Variants in SENP7 observed in about 807,000 individuals in gnomAD.
SENP7 encodes the protein sentrin-specific protease 7.
Under a neutral mutation model 141.2 loss-of-function variants are expected in SENP7, and 64 were observed. The observed-to-expected ratio is 0.45, with a 90% CI of 0.37 to 0.56. The LOEUF is 0.56. SENP7 is among the 20% of genes least tolerant of loss of function. The probability of loss-of-function intolerance (pLI) is 0.00; values close to 1 mark genes in which losing one functional copy is unlikely to be tolerated. For synonymous variants in SENP7, 382 were observed against 426.4 expected (o/e 0.90, Z 1.28); for missense variants, 1,025 against 1,212.2 (o/e 0.85, Z 2.29).
chr3:101,454,813 T>G (rs988698050), intron 4 of SENP7, among the ~76,000 whole-genome samples: 1 of 152,140 alleles, frequency 6.6e-6, no homozygotes, highest in Admixed American at 6.6e-5. Flanking sequence ...AGACAGAAAG[T>G]AGGTTAGTGG....
At chr3:101,327,982 C>T (rs182946375) in intron 22 of SENP7, among the ~76,000 whole-genome samples, 166 bp from the exon 23 acceptor site, 12 of 152,278 alleles carry the variant, frequency 7.9e-5, no homozygotes, top group African/African-American at 2.4e-4. Flanking sequence ...CTCACAAGTA[C>T]TACTTTAAAG....
At chr3:101,358,408 A>G in intron 11 of SENP7, 1 of 445,748 alleles carries the variant, frequency 2.2e-6, no homozygotes, top group Non-Finnish European at 4.4e-6. Context: ...GATAATTTAT[A>G]CTGGAGAGAA....
At position 101,479,654 on chromosome 3, in the gene SENP7, G is replaced by A. The variant is rs79883124; in HGVS notation, c.186+14219C>T. 5.5e-3 allele frequency among the ~76,000 whole-genome samples: 830 copies of A among 150,096 alleles called. 15 individuals are homozygous for A. Among genetic ancestry groups the A allele is most frequent in the African/African-American group, 0.019 (765 of 40,856 alleles). ...GATCTCATATGCAGATATGATGAAC[G>A]ACACAAAATCAACATCAAAAATGTA... On this transcript the variant is annotated intron_variant, in intron 3 of 23. Coordinates refer to ENST00000394095, the MANE Select transcript of SENP7 (RefSeq NM_020654.5).
rs763742849 is a variant in SENP7 at position 101,347,981 on chromosome 3, C to A, written c.1728G>T (p.Lys576Asn). 2 of 1,611,550 alleles carry A rather than the reference C, an allele frequency of 1.2e-6. No homozygotes were observed. ...GACTCCTTTTACTGTGATTATCATC[C>A]TTACTTTTCCATAACCCAAACCGCT... ...HLKRFGLWKS[K>N]DDNHSKRSHA... is the part of the protein sequence containing the mutation. Residue 576 changes from lysine to asparagine, a missense_variant, in exon 13 of 24, where the codon AAG becomes AAT. Around this residue, in one of 4 missense-constraint regions of SENP7, gnomAD observed 228 missense variants for 228.5 expected, o/e 1.00. Transcript: ENST00000394095.
At chr3:101,426,483 A>AC (rs759212908) in intron 4 of SENP7, among the ~76,000 whole-genome samples, 3 of 143,100 alleles carry the variant, frequency 2.1e-5, no homozygotes, top group Admixed American at 2.1e-4. Context: ...GAGAAATAAG[A>AC]TTTTTTTTTT....
chr3:101,331,588 C>T (rs992265703), intron 19 of SENP7, among the ~76,000 whole-genome samples: 9 of 126,876 alleles, frequency 7.1e-5, no homozygotes, highest in African/African-American at 2.7e-4. Context: ...ATGGAATAAA[C>T]ATAAAATTTA....
chr3:101,504,494 T>TAA (rs1348068347), intron 1 of SENP7, among the ~76,000 whole-genome samples: 1 of 151,982 alleles, frequency 6.6e-6, no homozygotes, highest in African/African-American at 2.4e-5. Flanking sequence ...CCTCTACACT[T>TAA]AAGCTTTTGA....
rs147023564 is a variant in SENP7 at position 101,366,809 on chromosome 3, T to C, written c.979-40A>G. On this transcript the variant is annotated intron_variant, in intron 8 of 23. Coordinates refer to ENST00000394095, the MANE Select transcript of SENP7 (RefSeq NM_020654.5). ...ATAGAAAAAAATAGCATTTTTCAAA[T>C]TTGGCTTGCTTAAACCATTTTTAAA... is the stretch of plus-strand genomic sequence containing the variant. 263 of 1,381,666 alleles carry C rather than the reference T, an allele frequency of 1.9e-4. No homozygotes were observed. The East Asian group carries it at 5.5e-3, about 29-fold the overall frequency. 85.6% of individuals were successfully genotyped at this position (1,381,666 alleles called of 1,614,324 possible).
In SENP7 at chr3:101,501,234, T is replaced by A. The variant is rs2065365710; in HGVS notation, c.41-115A>T. On this transcript the variant is annotated intron_variant, in intron 1 of 23. Coordinates refer to ENST00000394095, the MANE Select transcript of SENP7 (RefSeq NM_020654.5). Reference sequence around the variant, plus strand: ...TTTGTTTTAAATTAACTTGTTAGATTTAGAATTTACACATTTTACAGAAAC... The same window carrying A: ...TTTGTTTTAAATTAACTTGTTAGATATAGAATTTACACATTTTACAGAAAC... 4 of 704,822 alleles carry A rather than the reference T, an allele frequency of 5.7e-6. No homozygotes were observed. In the South Asian group the frequency reaches 6.2e-5, roughly 11 times the overall value. The allele number at this position is 704,822 out of a possible 1,614,324, so 43.7% of individuals were successfully genotyped here. A position where few individuals can be genotyped will look rare whatever the true frequency, so the allele number is the denominator to read the frequency against.
intron 16 of SENP7, among the ~76,000 whole-genome samples, chr3:101,338,656 C>T (rs968591955): frequency 2.6e-5 from 4 of 151,986 alleles, no homozygotes; most frequent in Admixed American, 1.3e-4. Context: ...TATTAAACAC[C>T]GAATGTATGT....
chr3:101,466,478 A>T (rs947947197), intron 3 of SENP7, among the ~76,000 whole-genome samples: 18 of 152,216 alleles, frequency 1.2e-4, no homozygotes, highest in African/African-American at 3.6e-4. Flanking sequence ...ATAAAATGTC[A>T]GTCAATAATA....
intron 3 of SENP7, among the ~76,000 whole-genome samples, chr3:101,475,019 T>G (rs1387068651): frequency 6.6e-6 from 1 of 152,108 alleles, no homozygotes. Flanking sequence ...AGTGAAGGGA[T>G]GTGATGGATA....
intron 10 of SENP7, among the ~76,000 whole-genome samples, chr3:101,362,415 A>T (rs895118309): frequency 1.3e-5 from 2 of 152,230 alleles, no homozygotes; most frequent in Non-Finnish European, 2.9e-5. Context: ...GTGTCACTTC[A>T]ACCACATAAA....
chr3:101,367,750 G>T, intron 8 of SENP7, 80 bp downstream of exon 8: 1 of 855,606 alleles, frequency 1.2e-6, no homozygotes, highest in Non-Finnish European at 1.8e-6. Flanking sequence ...AAAGCTAGAG[G>T]AACATTATTT....
intron 15 of SENP7, among the ~76,000 whole-genome samples, chr3:101,340,961 G>A (rs2059311476): frequency 6.6e-6 from 1 of 152,118 alleles, no homozygotes. Flanking sequence ...GGTATAATAT[G>A]TACTTCTTGC....
intron 4 of SENP7, among the ~76,000 whole-genome samples, chr3:101,435,682 A>G (rs911933553): frequency 6.6e-6 from 1 of 152,136 alleles, no homozygotes; most frequent in Admixed American, 6.5e-5. Flanking sequence ...CTCATTTACA[A>G]TAATAGCCAC....
intron 3 of SENP7, among the ~76,000 whole-genome samples, chr3:101,466,593 TAG>T (rs2063764551): frequency 6.6e-6 from 1 of 152,130 alleles, no homozygotes; most frequent in Non-Finnish European, 1.5e-5. Flanking sequence ...AAATGCTTAA[TAG>T]AGTCTTAAAA....
chr3:101,363,784 T>C (rs1195055038), intron 10 of SENP7, among the ~76,000 whole-genome samples: 1 of 152,174 alleles, frequency 6.6e-6, no homozygotes, highest in African/African-American at 2.4e-5. Context: ...TTTTCATAGA[T>C]CGGGCCAACT....
rs148223621 is a variant in SENP7 at position 101,417,662 on chromosome 3, G to T, written c.413C>A (p.Thr138Lys). The change falls in exon 5 of 24, where the codon ACA becomes AAA. Residue 138 changes from threonine (T) to lysine (K), a missense_variant. This residue lies in a region of SENP7 where 496 missense variants were observed against 503.5 expected (regional missense o/e 0.99). Coordinates refer to ENST00000394095, the MANE Select transcript of SENP7 (RefSeq NM_020654.5). ...ACATGTCTCTAGGCTGTCAACAGAT[G>T]TCGAAGGCAATGAGTCTGATTGCAC... ...NKVQSDSLPSTSVDSLETCQK... is the reference protein window; with the variant it reads ...NKVQSDSLPSKSVDSLETCQK... 1,133 of 1,613,930 alleles carry T rather than the reference G, an allele frequency of 7.0e-4. 3 individuals are homozygous for T. The highest frequency in any genetic ancestry group is 8.5e-4 in the Admixed American group (51 of 60,020).
Sources: gnomAD v4.1 joint callset for allele counts (sites outside exome capture counted in the v4.1 genomes callset) on GRCh38, gnomAD v4.1.1 for gene constraint, gnomAD v4.1.1 regional missense constraint, MANE v1.5 for transcripts, NCBI Gene and HGNC (gene_info 2026-07-23, HGNC 2026-07-21) for gene names.